IL17RB: variants seen among roughly 807,000 people sequenced by gnomAD.
IL17RB encodes interleukin 17 receptor B.
Under a neutral mutation model 43.9 loss-of-function variants are expected in IL17RB, and 36 were observed. The ratio of observed to expected loss-of-function variants is 0.82; its 90% confidence interval spans 0.63 to 1.08. The LOEUF (loss-of-function observed/expected upper bound fraction) is 1.08. IL17RB is among the 50% of genes least tolerant of loss of function. The pLI is 0.00. For synonymous variants in IL17RB, 225 were observed against 225.4 expected, an observed-to-expected ratio of 1.00 and a Z score of 0.02; for missense variants, 613 against 613.6, an observed-to-expected ratio of 1.00 and a Z score of 0.01.
intron 1 of IL17RB, 114 bp downstream of exon 1, chr3:53,846,762 A>G (rs2232332): frequency 0.98 from 1,094,205 of 1,121,478 alleles, 534,360 homozygotes; most frequent in Non-Finnish European, 0.99. Context: ...CTGCCGGCTC[A>G]AGGGGCATGC....
intron 6 of IL17RB, 31 bp downstream of exon 6, chr3:53,855,372 T>C (rs1011251141): frequency 6.9e-7 from 1 of 1,452,526 alleles, no homozygotes; most frequent in Non-Finnish European, 9.6e-7. Flanking sequence ...CTTTTATTAT[T>C]TGAAGAAACT....
chr3:53,849,860 A>G (rs1699071852), intron 3 of IL17RB, 65 bp downstream of exon 3: 13 of 1,443,770 alleles, frequency 9.0e-6, no homozygotes, highest in South Asian at 8.5e-5. Flanking sequence ...TGCAGACTAT[A>G]TGAACCATTA....
chr3:53,848,544 T>C (rs1347079756), intron 1 of IL17RB, 120 bp from the exon 2 acceptor site: 1 of 973,772 alleles, frequency 1.0e-6, no homozygotes, highest in East Asian at 2.4e-5. Context: ...TCATCTTTTC[T>C]TTGAAAGTTT....
chr3:53,852,244 C>T (rs1274482258), intron 4 of IL17RB, 118 bp downstream of exon 4: 10 of 923,844 alleles, frequency 1.1e-5, no homozygotes, highest in South Asian at 7.7e-5. Flanking sequence ...TGGGCTCAAG[C>T]GATCGTTCTA....
intron 1 of IL17RB, among the ~76,000 whole-genome samples, chr3:53,846,938 C>G (rs1698928791): frequency 6.6e-6 from 1 of 152,200 alleles, no homozygotes; most frequent in African/African-American, 2.4e-5. Flanking sequence ...GTACCGAACC[C>G]ACCAGGGTCT....
At chr3:53,849,572 T>C in intron 2 of IL17RB, 83 bp from the exon 3 acceptor site, 1 of 1,252,952 alleles carries the variant, frequency 8.0e-7, no homozygotes, top group African/African-American at 1.5e-5. Context: ...GGGGAAGGTT[T>C]GGTGTGAGTC....
In IL17RB at chr3:53,856,781, T is replaced by C; in HGVS notation, c.530-63T>C. 4 of 1,558,530 alleles carry C rather than the reference T, an allele frequency of 2.6e-6. No homozygotes were observed. The South Asian group carries it at 4.5e-5, about 17-fold the overall frequency. On this transcript the variant is annotated intron_variant, in intron 6 of 10. Transcript: ENST00000288167. ...TTGGGTTTGTTTCCATAAAGCCCTG[T>C]GGGGAACTTAAATGAGGGAAGAGTT...
rs778086828 is a variant in IL17RB at position 53,865,165 on chromosome 3, G to A, written c.1366G>A (p.Asp456Asn). 1.5e-5 allele frequency: 24 copies of A among 1,613,994 alleles called. No individual in the cohort carries two copies. In the Admixed American group the frequency reaches 1.8e-4, roughly 12 times the overall value. ...CTTTAGAGAGATTGATACAAAAGACGATTACAATGCTCTCAGTGTCTGCCC... is the reference window on the plus strand; with the variant it reads ...CTTTAGAGAGATTGATACAAAAGACAATTACAATGCTCTCAGTGTCTGCCC... ...VYFREIDTKD[D>N]YNALSVCPKY... Residue 456 changes from aspartate to asparagine, a missense_variant, in exon 11 of 11, where the codon GAT (aspartate) becomes AAT (asparagine). Transcript: ENST00000288167.
chr3:53,850,961 TA>T (rs1699122807), intron 3 of IL17RB, among the ~76,000 whole-genome samples: 1 of 152,210 alleles, frequency 6.6e-6, no homozygotes, highest in Non-Finnish European at 1.5e-5. Context: ...CTTATGTGTG[TA>T]CTTTTCTGTG....
chr3:53,864,449 G>T (rs1350331971), intron 10 of IL17RB, among the ~76,000 whole-genome samples: 2 of 152,054 alleles, frequency 1.3e-5, no homozygotes, highest in African/African-American at 4.8e-5. Flanking sequence ...GCAGGAGAAT[G>T]GCGTGAACCC....
chr3:53,859,051 C>T, intron 9 of IL17RB: 1 of 428,984 alleles, frequency 2.3e-6, no homozygotes. Context: ...AAGCAGGATA[C>T]ACAGAAGGGA....
In IL17RB at chr3:53,858,803, T is replaced by C. The variant is rs2232346; in HGVS notation, c.832T>C (p.Phe278Leu). Residue 278 changes from phenylalanine (F) to leucine (L), a missense_variant, in exon 9 of 11, where the codon TTC becomes CTC. Phe to Leu is a conservative substitution (Grantham distance 22). Coordinates refer to ENST00000288167, the MANE Select transcript of IL17RB (RefSeq NM_018725.4). ...GCTCTGCCCACAAACAGGCGTCCCTTTCCCTCTGGATAACAGTAAGTGCCC... is the reference window on the plus strand; with the variant it reads ...GCTCTGCCCACAAACAGGCGTCCCTCTCCCTCTGGATAACAGTAAGTGCCC... Reference protein sequence around the residue: ...VVLCPQTGVPFPLDNNKSKPG... With the variant: ...VVLCPQTGVPLPLDNNKSKPG... 40,564 of 1,613,796 alleles carry C rather than the reference T, an allele frequency of 0.025. 602 individuals carry two copies. Among genetic ancestry groups the C allele is most frequent in the Non-Finnish European group, 0.03 (34,924 of 1,179,688 alleles).
chr3:53,862,873 G>A (rs1375443788), intron 10 of IL17RB, among the ~76,000 whole-genome samples: 1 of 152,168 alleles, frequency 6.6e-6, no homozygotes, highest in Non-Finnish European at 1.5e-5. Flanking sequence ...AAAAAAGCCA[G>A]AAATTATGAT....
intron 6 of IL17RB, 43 bp downstream of exon 6, chr3:53,855,384 G>C (rs780378155): frequency 7.4e-7 from 1 of 1,354,426 alleles, no homozygotes; most frequent in South Asian, 1.2e-5. Flanking sequence ...GAAGAAACTT[G>C]TAACTTGAGG....
intron 1 of IL17RB, among the ~76,000 whole-genome samples, chr3:53,847,929 T>G (rs924303641): frequency 2.0e-5 from 3 of 152,370 alleles, no homozygotes; most frequent in South Asian, 4.1e-4. Context: ...TTTGGAAATG[T>G]GGATGCTCAG....
rs1373570442 is a variant in IL17RB, at chr3:53,857,940, TTC to T, written c.747+252_747+253del. 5 of 493,194 alleles carry T rather than the reference TTC, an allele frequency of 1.0e-5. No homozygotes were observed. The Admixed American group carries it at 1.6e-4, about 16-fold the overall frequency. 30.6% of individuals were successfully genotyped at this position (493,194 alleles called of 1,614,324 possible). On this transcript the variant is annotated intron_variant, in intron 8 of 10. Coordinates refer to ENST00000288167, the MANE Select transcript of IL17RB (RefSeq NM_018725.4). ...TTCCAAAGCACTTTTTATTTTCATT[TTC>T]TGTCACAGACACTCAGGGATAGCAG...
At position 53,856,965 on chromosome 3, in the gene IL17RB, C is replaced by T. The variant is rs761465060; in HGVS notation, c.651C>T (p.Ile217=). The T allele has an allele frequency of 1.1e-5, 17 of 1,613,948 alleles. No homozygotes were observed. The highest frequency in any genetic ancestry group is 1.1e-5 in the South Asian group (1 of 91,082). The change falls in exon 7 of 11, where the codon ATC becomes ATT. Residue 217 remains isoleucine (I), a synonymous_variant. Transcript: ENST00000288167. ...YMALIQHSTI[I]GFSQVFEPHQ... Reference sequence around the variant, plus strand: ...CTCTTATCCAACACAGCACTATCATCGGGTTTTCTCAGGTGTTTGAGGTAC... The same window carrying T: ...CTCTTATCCAACACAGCACTATCATTGGGTTTTCTCAGGTGTTTGAGGTAC...
Position 53,852,853 on chromosome 3 carries a change from CCTTG to C in IL17RB, c.355-14_355-11del. 2 of 1,612,572 alleles carry C rather than the reference CCTTG, an allele frequency of 1.2e-6. No individual in the cohort carries two copies. The highest frequency in any genetic ancestry group is 1.7e-6 in the Non-Finnish European group (2 of 1,178,774). On this transcript the variant is annotated splice_polypyrimidine_tract_variant and intron_variant, in intron 4 of 10. Coordinates refer to ENST00000288167, the MANE Select transcript of IL17RB (RefSeq NM_018725.4). Reference sequence around the variant, plus strand: ...TGCAGTGTTTTGGGAATTGAGAGTTCCTTGCTTTGCCTTTCAGTGGACATTTTCC... The same window carrying C: ...TGCAGTGTTTTGGGAATTGAGAGTTCCTTTGCCTTTCAGTGGACATTTTCC...
In IL17RB at chr3:53,865,384, G is replaced by A; in HGVS notation, c.*76G>A. On this transcript the variant is annotated 3_prime_UTR_variant, in exon 11 of 11. Coordinates refer to ENST00000288167, the MANE Select transcript of IL17RB (RefSeq NM_018725.4). ...CAGGGAAAAAACGTGTGATGATCCT[G>A]AAGCTTACTATGCAGCCTACAAACA... 1.7e-6 allele frequency: 2 copies of A among 1,176,618 alleles called. No homozygotes were observed. The highest frequency in any genetic ancestry group is 2.4e-5 in the East Asian group (1 of 40,990). The allele number at this position is 1,176,618 out of a possible 1,614,324, so 72.9% of individuals were successfully genotyped here.
Sources: allele counts gnomAD v4.1 joint callset (sites outside exome capture counted in the v4.1 genomes callset), GRCh38; gene constraint gnomAD v4.1.1; transcripts MANE v1.5; gene names NCBI Gene and HGNC (gene_info 2026-07-23, HGNC 2026-07-21).